PCDHGA4: variants seen among roughly 807,000 people sequenced by gnomAD.
PCDHGA4 encodes the protein protocadherin gamma subfamily A, 4, also known as protocadherin gamma-A4.
A neutral mutation model predicts 54.6 loss-of-function variants in PCDHGA4; 38 were observed. The ratio of observed to expected loss-of-function variants is 0.70; its 90% CI spans 0.54 to 0.91. The LOEUF (loss-of-function observed/expected upper bound fraction) is 0.91. Ranked by LOEUF, PCDHGA4 falls within the 40% of genes least tolerant of loss-of-function variation. The pLI, the probability that PCDHGA4 is intolerant of heterozygous loss-of-function variation, is 0.00. For synonymous variants in PCDHGA4, 511 were observed against 512.9 expected (o/e 1.00, Z 0.05); for missense variants, 1,298 against 1,220.9 (o/e 1.06, Z -0.94).
At chr5:141,361,943 G>A (rs758202252) in intron 1 of PCDHGA4, 2 of 1,605,254 alleles carry the variant, frequency 1.2e-6, no homozygotes, top group South Asian at 2.2e-5. Flanking sequence ...CACAACGCTT[G>A]GCTGTCCTAC....
chr5:141,500,318 C>T (rs1005060282), intron 2 of PCDHGA4, among the ~76,000 whole-genome samples: 3 of 151,948 alleles, frequency 2.0e-5, no homozygotes, highest in African/African-American at 7.3e-5. Context: ...ACGCCATGCT[C>T]CTGCCTCAGC....
At chr5:141,371,198 CATGG>C in intron 1 of PCDHGA4, 3 of 1,614,008 alleles carry the variant, frequency 1.9e-6, no homozygotes, top group Non-Finnish European at 2.5e-6. Flanking sequence ...TGGCCATTGA[CATGG>C]ATGAGGGCAT....
At chr5:141,466,275 A>G (rs1163982252) in intron 1 of PCDHGA4, among the ~76,000 whole-genome samples, 1 of 152,112 alleles carries the variant, frequency 6.6e-6, no homozygotes. Context: ...AGCTCAAGCA[A>G]TCTTCCCACC....
chr5:141,438,998 C>A (rs932958148), intron 1 of PCDHGA4, among the ~76,000 whole-genome samples: 7 of 151,836 alleles, frequency 4.6e-5, no homozygotes, highest in Non-Finnish European at 1.0e-4. Flanking sequence ...GGCTAAGGAC[C>A]TGGTTTGTTT....
intron 1 of PCDHGA4, chr5:141,430,760 A>C: frequency 1.3e-6 from 2 of 1,505,596 alleles, no homozygotes; most frequent in Non-Finnish European, 8.9e-7. Context: ...GAAGATAAGA[A>C]TGATTCCTGC....
At chr5:141,372,524 A>G (rs1768835682) in intron 1 of PCDHGA4, 2 of 1,613,968 alleles carry the variant, frequency 1.2e-6, no homozygotes, top group East Asian at 2.2e-5. Context: ...TGATTCTGGC[A>G]ATCTCCCTGC....
chr5:141,410,086 G>C (rs759204005), intron 1 of PCDHGA4: 1 of 1,612,588 alleles, frequency 6.2e-7, no homozygotes, highest in Non-Finnish European at 8.5e-7. Flanking sequence ...AGGTGCGCAC[G>C]GCTCGAGCCT....
chr5:141,383,788 C>T (rs1375292315), intron 1 of PCDHGA4: 2 of 1,613,944 alleles, frequency 1.2e-6, no homozygotes, highest in Non-Finnish European at 1.7e-6. Context: ...TCTGAACTCG[C>T]TTACAGGAGA....
At chr5:141,422,040 C>T (rs1045003805) in intron 1 of PCDHGA4, 10 of 1,611,324 alleles carry the variant, frequency 6.2e-6, no homozygotes, top group African/African-American at 4.0e-5. Context: ...CGGATCCAGA[C>T]GAGGGAATCA....
In PCDHGA4 at chr5:141,408,035, C is replaced by T. The variant is rs886766467; in HGVS notation, c.2514+50414C>T. On this transcript the variant is annotated intron_variant, in intron 1 of 3. Transcript: ENST00000571252. ...CAGCCAACAACAGAAAGAAGAAAAC[C>T]AGCTCCCACACAGAGCCTCCCGGCT... 7.1e-6 allele frequency: 8 copies of T among 1,130,910 alleles called. No homozygotes were observed. The African/African-American group carries it at 7.8e-5, about 11-fold the overall frequency. 70.1% of individuals were successfully genotyped at this position (1,130,910 alleles called of 1,614,324 possible).
At position 141,398,766 on chromosome 5, in the gene PCDHGA4, T is replaced by A. The variant is rs775055352; in HGVS notation, c.2514+41145T>A. On this transcript the variant is annotated intron_variant, in intron 1 of 3. Coordinates refer to ENST00000571252, the MANE Select transcript of PCDHGA4 (RefSeq NM_018917.4). ...AGAGTTACCATCGTTTAGTCCTGACTGCCTTGGACGGTGGACATCCACCCC... is the reference window on the plus strand; with the variant it reads ...AGAGTTACCATCGTTTAGTCCTGACAGCCTTGGACGGTGGACATCCACCCC... 2.1e-5 allele frequency: 34 copies of A among 1,613,844 alleles called. 1 individual carries two copies. In the South Asian group the frequency reaches 3.1e-4, roughly 15 times the overall value.
chr5:141,389,481 C>A, intron 1 of PCDHGA4: 1 of 1,613,080 alleles, frequency 6.2e-7, no homozygotes, highest in Non-Finnish European at 8.5e-7. Context: ...ACTGCAGGCC[C>A]GCGACCAGGG....
At chr5:141,420,210 A>T (rs1415966611) in intron 1 of PCDHGA4, 1 of 1,612,612 alleles carries the variant, frequency 6.2e-7, no homozygotes, top group East Asian at 2.2e-5. Flanking sequence ...CTCAACAAAG[A>T]TAGCATGCTA....
rs1460389320 is a variant in PCDHGA4 at position 141,490,134 on chromosome 5, C to T, written c.2515-4673C>T. The T allele has an allele frequency of 2.5e-6, 4 of 1,614,114 alleles. No homozygotes were observed. Among genetic ancestry groups the T allele is most frequent in the Admixed American group, 3.3e-5 (2 of 59,998 alleles). ...GGAACCTCTTTGGCCTAGACCCTAG[C>T]AGTGGGGCAATCCATGTGTTGGGTC... On this transcript the variant is annotated intron_variant, in intron 1 of 3. Coordinates refer to ENST00000571252, the MANE Select transcript of PCDHGA4 (RefSeq NM_018917.4). This position sits in a 1 kb window ranked among gnomAD's most constrained non-coding sequence, Gnocchi z 5.4.
At chr5:141,405,027 A>G (rs1402992376) in intron 1 of PCDHGA4, 1 of 1,613,252 alleles carries the variant, frequency 6.2e-7, no homozygotes, top group Non-Finnish European at 8.5e-7. Context: ...CTTACCCTCT[A>G]CCTCGTTGTG....
intron 1 of PCDHGA4, chr5:141,383,515 C>T (rs749503295): frequency 1.2e-6 from 2 of 1,612,350 alleles, no homozygotes; most frequent in South Asian, 2.2e-5. Flanking sequence ...GGAGGAAGAG[C>T]GGGTTCACCA....
chr5:141,482,245 G>A (rs72790067), intron 1 of PCDHGA4, among the ~76,000 whole-genome samples: 74 of 152,252 alleles, frequency 4.9e-4, no homozygotes, highest in Non-Finnish European at 7.9e-4. Flanking sequence ...TATAAGTATA[G>A]TACTGTACAT....
chr5:141,409,360 A>G (rs746614262), intron 1 of PCDHGA4: 2 of 1,614,014 alleles, frequency 1.2e-6, no homozygotes, highest in Admixed American at 3.3e-5. Flanking sequence ...GGTGTAATAT[A>G]GAAACAGACA....
At chr5:141,465,094 GT>G (rs138941665) in intron 1 of PCDHGA4, among the ~76,000 whole-genome samples, 203 of 148,178 alleles carry the variant, frequency 1.4e-3, no homozygotes, top group Admixed American at 7.3e-3. Context: ...TTTTCTAGTA[GT>G]TTTTTTTTTA....
Sources: allele counts gnomAD v4.1 joint callset (sites outside exome capture counted in the v4.1 genomes callset), GRCh38; gene constraint gnomAD v4.1.1; non-coding constraint Gnocchi (gnomAD v3.1); transcripts MANE v1.5; gene names NCBI Gene and HGNC (gene_info 2026-07-23, HGNC 2026-07-21).